The following GLIS3 variants were observed in gnomAD, a reference collection of about 807,000 sequenced individuals.
GLIS3 encodes the protein GLIS family zinc finger 3, also known as zinc finger protein GLIS3.
Under a neutral mutation model 78.6 loss-of-function variants are expected in GLIS3, and 53 were observed. That is an observed-to-expected ratio of 0.67 (90% CI 0.54 to 0.85). GLIS3 has a LOEUF of 0.85. Among genes scored for constraint, GLIS3 ranks in the 40% least tolerant of loss-of-function variants. The pLI is 0.00. For synonymous variants in GLIS3, 684 were observed against 509.9 expected, an observed-to-expected ratio of 1.34 and a Z score of -4.60; for missense variants, 1,703 against 1,231.1, an observed-to-expected ratio of 1.38 and a Z score of -5.74.
chr9:4,136,271 G>C (rs978029908), intron 2 of GLIS3, among the ~76,000 whole-genome samples: 4 of 152,180 alleles, frequency 2.6e-5, no homozygotes, highest in African/African-American at 7.2e-5. Context: ...CTAAATCATA[G>C]AGACAGGAGC....
At chr9:4,095,558 G>A (rs1241732921) in intron 4 of GLIS3, among the ~76,000 whole-genome samples, 1 of 152,172 alleles carries the variant, frequency 6.6e-6, no homozygotes, top group Non-Finnish European at 1.5e-5. Flanking sequence ...TATATTAGAA[G>A]AGGAAGAGTC....
At chr9:4,225,773 G>C (rs1821717685) in intron 2 of GLIS3, among the ~76,000 whole-genome samples, 1 of 152,146 alleles carries the variant, frequency 6.6e-6, no homozygotes, top group African/African-American at 2.4e-5. Context: ...GAACTCTTGA[G>C]ACCTTGAATA....
At chr9:4,181,206 C>T (rs1233296744) in intron 2 of GLIS3, among the ~76,000 whole-genome samples, 1 of 152,194 alleles carries the variant, frequency 6.6e-6, no homozygotes, top group Non-Finnish European at 1.5e-5. Flanking sequence ...CTTTAAAGTT[C>T]CATAGGTATT....
chr9:4,392,688 G>A, the GLIS3 span, among the ~76,000 whole-genome samples: 3 of 152,170 alleles, frequency 2.0e-5, no homozygotes, highest in African/African-American at 7.2e-5. Context: ...ACTAAGGGAG[G>A]AGGGACACCC....
chr9:4,367,740 TGA>T, the GLIS3 span, among the ~76,000 whole-genome samples: 2 of 151,980 alleles, frequency 1.3e-5, no homozygotes, highest in Non-Finnish European at 2.9e-5. Context: ...ACATATTTAT[TGA>T]GAGAATACAT....
chr9:4,401,468 TG>T, the GLIS3 span, among the ~76,000 whole-genome samples: 1 of 152,056 alleles, frequency 6.6e-6, no homozygotes, highest in East Asian at 1.9e-4. Flanking sequence ...TTCTCCATGT[TG>T]GTCAGGCTGG....
chr9:4,236,210 AAG>A (rs1370148447), intron 2 of GLIS3, among the ~76,000 whole-genome samples: 7 of 148,722 alleles, frequency 4.7e-5, no homozygotes, highest in African/African-American at 1.7e-4. Flanking sequence ...AAAAAAAAGA[AAG>A]AAAGAAAGAA....
chr9:3,949,448 G>A (rs1013905898), intron 4 of GLIS3, among the ~76,000 whole-genome samples: 1 of 152,144 alleles, frequency 6.6e-6, no homozygotes, highest in Non-Finnish European at 1.5e-5. Flanking sequence ...TGGCATAAAA[G>A]AGTCAACATG....
At chr9:4,016,708 T>TCC (rs34176540) in intron 4 of GLIS3, among the ~76,000 whole-genome samples, 1 of 151,436 alleles carries the variant, frequency 6.6e-6, no homozygotes, top group Non-Finnish European at 1.5e-5. Context: ...AAAACACTCC[T>TCC]CCACATGGAT....
intron 4 of GLIS3, among the ~76,000 whole-genome samples, chr9:4,058,674 T>C (rs113035162): frequency 0.029 from 4,442 of 152,268 alleles, 206 homozygotes; most frequent in African/African-American, 0.1. Context: ...ACTGACTTTG[T>C]GCCAAATATT....
At chr9:4,251,043 G>C (rs1023164409) in intron 2 of GLIS3, among the ~76,000 whole-genome samples, 10 of 152,276 alleles carry the variant, frequency 6.6e-5, no homozygotes, top group African/African-American at 2.4e-4. Context: ...GTCAATTTTA[G>C]AATAAATGTG....
At chr9:3,987,680 A>C (rs565827758) in intron 4 of GLIS3, among the ~76,000 whole-genome samples, 3 of 149,720 alleles carry the variant, frequency 2.0e-5, no homozygotes, top group African/African-American at 7.3e-5. Flanking sequence ...CTGGGCGACA[A>C]GAGTGAAACA....
rs1390228938 is a variant in GLIS3, at chr9:3,827,820, C to T, written c.*452G>A. On this transcript the variant is annotated 3_prime_UTR_variant, in exon 11 of 11. Transcript: ENST00000381971. ...TGGACATGGATTTCCCTTGTTGTGC[C>T]TGGCTTTGCATCAGGAGCAGCAAGG... 8.3e-6 allele frequency: 2 copies of T among 241,546 alleles called. No individual in the cohort carries two copies. The highest frequency in any genetic ancestry group is 1.6e-5 in the Non-Finnish European group (2 of 122,398). The allele number at this position is 241,546 out of a possible 1,614,324, so 15.0% of individuals were successfully genotyped here.
rs1347102590 is a variant in GLIS3, at chr9:4,032,497, TG to T, written c.1710+85270del. Among the ~76,000 whole-genome samples the T allele has an allele frequency of 2.0e-5, 3 of 152,254 alleles. No homozygotes were observed. In the East Asian group the frequency reaches 5.8e-4, roughly 29 times the overall value. On this transcript the variant is annotated intron_variant, in intron 4 of 10. Coordinates refer to ENST00000381971, the MANE Select transcript of GLIS3 (RefSeq NM_001042413.2). ...TAAAAATCTTATTTTTAAAAGAAGT[TG>T]TCAGCTGACAAATATATTTAGAGAT...
At chr9:4,204,923 G>A (rs1458503329) in intron 2 of GLIS3, among the ~76,000 whole-genome samples, 2 of 143,810 alleles carry the variant, frequency 1.4e-5, no homozygotes, top group Non-Finnish European at 1.5e-5. Context: ...CAAAAAAAAA[G>A]AAGGAGTCAG....
intron 4 of GLIS3, among the ~76,000 whole-genome samples, chr9:4,057,335 T>C (rs1826231998): frequency 6.6e-6 from 1 of 152,172 alleles, no homozygotes; most frequent in South Asian, 2.1e-4. Flanking sequence ...CTGACAATTA[T>C]GAAACTCGTT....
chr9:4,233,294 T>A (rs140680441), intron 2 of GLIS3, among the ~76,000 whole-genome samples: 164 of 152,308 alleles, frequency 1.1e-3, no homozygotes, highest in African/African-American at 3.1e-3. Context: ...ATCTAGGCAC[T>A]AGACAGGCCC....
chr9:4,299,876 G>C lies in GLIS3; in HGVS notation c.-554C>G, dbSNP rs913623225. 1 of 152,316 alleles carries C rather than the reference G, an allele frequency of 6.6e-6. No individual in the cohort carries two copies. The highest frequency in any genetic ancestry group is 6.5e-5 in the Admixed American group (1 of 15,290). 9.4% of individuals were successfully genotyped at this position (152,316 alleles called of 1,614,324 possible). A position where few individuals can be genotyped will look rare whatever the true frequency, so the allele number is the denominator to read the frequency against. On this transcript the variant is annotated 5_prime_UTR_variant, in exon 1 of 11. Transcript: ENST00000381971. ...TTGCTGCCGGCGGGTTCCGTCGCCGGTGTGACCCTGGACGGCGCGGACGGC... is the reference window on the plus strand; with the variant it reads ...TTGCTGCCGGCGGGTTCCGTCGCCGCTGTGACCCTGGACGGCGCGGACGGC...
rs570404035 is a variant in GLIS3, at chr9:4,188,566, T to G, written c.389-62625A>C. On this transcript the variant is annotated intron_variant, in intron 2 of 10. Coordinates refer to ENST00000381971, the MANE Select transcript of GLIS3 (RefSeq NM_001042413.2). ...CTATTGATTGGAATAGTTTCAGAAGTAATGGTACCACTTCCTCCTTGTACC... is the reference window on the plus strand; with the variant it reads ...CTATTGATTGGAATAGTTTCAGAAGGAATGGTACCACTTCCTCCTTGTACC... Among the ~76,000 whole-genome samples, 164 of 152,058 alleles carry G rather than the reference T, an allele frequency of 1.1e-3. 2 individuals are homozygous for G. Among genetic ancestry groups the G allele is most frequent in the Non-Finnish European group, 1.5e-3 (103 of 67,950 alleles).
Sources: gnomAD v4.1 joint callset for allele counts (sites outside exome capture counted in the v4.1 genomes callset) on GRCh38, gnomAD v4.1.1 for gene constraint, MANE v1.5 for transcripts, NCBI Gene and HGNC (gene_info 2026-07-23, HGNC 2026-07-21) for gene names.